Variants in UPK3A observed in about 807,000 individuals in gnomAD.
UPK3A encodes the protein uroplakin 3A.
A neutral mutation model predicts 27.6 loss-of-function variants in UPK3A; 32 were observed. The observed-to-expected ratio is 1.16, with a 90% CI of 0.87 to 1.55. The LOEUF (loss-of-function observed/expected upper bound fraction) is 1.55. Among genes scored for constraint, UPK3A ranks in the 40% most tolerant of loss-of-function variants. The probability of loss-of-function intolerance (pLI) is 0.00; values close to 1 mark genes in which losing one functional copy is unlikely to be tolerated. For missense variants in UPK3A, 370 were observed against 367.9 expected, an observed-to-expected ratio of 1.01 and a Z score of -0.05; for synonymous variants, 171 against 163.9, an observed-to-expected ratio of 1.04 and a Z score of -0.33.
intron 4 of UPK3A, among the ~76,000 whole-genome samples, chr22:45,291,889 C>CAGTGT (rs1569106077): frequency 3.0e-4 from 25 of 82,502 alleles, no homozygotes; most frequent in African/African-American, 1.1e-3. Flanking sequence ...TGTGGCAGGG[C>CAGTGT]GTGTGAGTTG....
At chr22:45,285,625 G>T (rs540184774) in intron 1 of UPK3A, among the ~76,000 whole-genome samples, 1 of 63,656 alleles carries the variant, frequency 1.6e-5, no homozygotes, top group Non-Finnish European at 5.3e-5. Context: ...ACTTGCATGT[G>T]GGGGGAGGGC....
chr22:45,289,129 T>C lies in UPK3A; in HGVS notation c.557T>C (p.Ile186Thr). 2.5e-6 allele frequency: 4 copies of C among 1,613,944 alleles called. No individual in the cohort carries two copies. Among genetic ancestry groups the C allele is most frequent in the Non-Finnish European group, 3.4e-6 (4 of 1,179,998 alleles). Reference protein sequence around the residue: ...VEDQTLWSDPIRTNQLTPYST... With the variant: ...VEDQTLWSDPTRTNQLTPYST... ...GACCAGACCCTGTGGTCAGACCCCA[T>C]CCGCACCAACCAGCGTAAGTGGTGG... The change falls in exon 4 of 6, where the codon ATC (isoleucine) becomes ACC (threonine). Residue 186 changes from isoleucine (I) to threonine (T), a missense_variant. Transcript: ENST00000216211.
At chr22:45,286,183 T>C (rs2084116965) in intron 2 of UPK3A, 87 bp downstream of exon 2, 4 of 1,544,964 alleles carry the variant, frequency 2.6e-6, no homozygotes, top group Non-Finnish European at 3.5e-6. Context: ...AGAGGAACCC[T>C]CCATGCCTGT....
At chr22:45,285,122 T>C (rs939891496) in intron 1 of UPK3A, 57 bp downstream of exon 1, 2 of 1,473,260 alleles carry the variant, frequency 1.4e-6, no homozygotes, top group African/African-American at 1.4e-5. Context: ...AGCTCTGCCC[T>C]GGGGCGCCCG....
At chr22:45,290,774 C>T (rs2084155132) in intron 4 of UPK3A, among the ~76,000 whole-genome samples, 1 of 152,150 alleles carries the variant, frequency 6.6e-6, no homozygotes, top group Non-Finnish European at 1.5e-5. Flanking sequence ...CTGTAGCTCG[C>T]ATTACTGCCT....
At chr22:45,289,775 A>G (rs895301578) in intron 4 of UPK3A, among the ~76,000 whole-genome samples, 1 of 149,842 alleles carries the variant, frequency 6.7e-6, no homozygotes, top group Non-Finnish European at 1.5e-5. Flanking sequence ...AAAGTCGTTG[A>G]ACCTGGAACT....
intron 4 of UPK3A, among the ~76,000 whole-genome samples, chr22:45,291,291 G>C (rs879492860): frequency 6.7e-6 from 1 of 149,118 alleles, no homozygotes; most frequent in Non-Finnish European, 1.5e-5. Flanking sequence ...TGTGGTGTGT[G>C]GTGGGGGTGT....
chr22:45,294,391 C>G (rs2084181575), intron 5 of UPK3A, among the ~76,000 whole-genome samples: 1 of 144,038 alleles, frequency 6.9e-6, no homozygotes, highest in Admixed American at 6.8e-5. Flanking sequence ...TTCCGCACCC[C>G]CATCCCTGCT....
At chr22:45,288,927 T>C in intron 3 of UPK3A, 134 bp from the exon 4 acceptor site, 2 of 817,206 alleles carry the variant, frequency 2.4e-6, no homozygotes, top group Non-Finnish European at 4.1e-6. Flanking sequence ...TCAGTAGCCG[T>C]CTACATTTCC....
rs759252449 is a variant in UPK3A at position 45,295,711 on chromosome 22, C to G, written c.856C>G (p.Gln286Glu). Residue 286 changes from glutamine (Q) to glutamate (E), a missense_variant, in exon 6 of 6, where the codon CAA becomes GAA. Coordinates refer to ENST00000216211, the MANE Select transcript of UPK3A (RefSeq NM_006953.4). ...GGCTGAGGTGTATTCCAGCAAGCTC[C>G]AAGACTGAGCCCAGCACCACCCCTG... is the stretch of plus-strand genomic sequence containing the variant. ...DRAEVYSSKL[Q>E]D 6 of 1,613,808 alleles carry G rather than the reference C, an allele frequency of 3.7e-6. No homozygotes were observed. Among genetic ancestry groups the G allele is most frequent in the African/African-American group, 1.3e-5 (1 of 74,896 alleles).
In UPK3A at chr22:45,293,171, C is replaced by T; in HGVS notation, c.572-10C>T. 1 of 1,613,438 alleles carries T rather than the reference C, an allele frequency of 6.2e-7. No individual in the cohort carries two copies. The highest frequency in any genetic ancestry group is 8.5e-7 in the Non-Finnish European group (1 of 1,180,016). On this transcript the variant is annotated splice_polypyrimidine_tract_variant and intron_variant, in intron 4 of 5. Coordinates refer to ENST00000216211, the MANE Select transcript of UPK3A (RefSeq NM_006953.4). Reference sequence around the variant, plus strand: ...TGTCTGGGAAGTAACCGGGCTGCATCCCACCACAGTCACCCCATACTCGAC... The same window carrying T: ...TGTCTGGGAAGTAACCGGGCTGCATTCCACCACAGTCACCCCATACTCGAC...
chr22:45,294,120 A>G (rs2084180027), intron 5 of UPK3A, among the ~76,000 whole-genome samples: 1 of 152,156 alleles, frequency 6.6e-6, no homozygotes, highest in Non-Finnish European at 1.5e-5. Flanking sequence ...AGGAAGGGTC[A>G]GTGTGAGCAA....
At position 45,284,964 on chromosome 22, in the gene UPK3A, G is replaced by C. The variant is rs57508963; in HGVS notation, c.-50G>C. On this transcript the variant is annotated 5_prime_UTR_variant, in exon 1 of 6. Transcript: ENST00000216211. ...TGGCAGGGACAGGTCTGGTGCCCGC[G>C]CCTGCTCGCTGGACCGCCCGCCCCG... The C allele has an allele frequency of 4.0e-6, 6 of 1,510,720 alleles. No individual in the cohort carries two copies. Among genetic ancestry groups the C allele is most frequent in the Non-Finnish European group, 4.4e-6 (5 of 1,130,194 alleles). The allele number at this position is 1,510,720 out of a possible 1,614,324, so 93.6% of individuals were successfully genotyped here. A position where few individuals can be genotyped will look rare whatever the true frequency, so the allele number is the denominator to read the frequency against.
intron 5 of UPK3A, among the ~76,000 whole-genome samples, chr22:45,293,698 T>A (rs2084177192): frequency 6.6e-6 from 1 of 152,188 alleles, no homozygotes; most frequent in African/African-American, 2.4e-5. Flanking sequence ...TTGTGAAGGT[T>A]AAGTGGAATA....
intron 3 of UPK3A, 46 bp from the exon 4 acceptor site, chr22:45,289,015 G>T: frequency 6.3e-7 from 1 of 1,590,228 alleles, no homozygotes. Context: ...CTGTGGGTGG[G>T]GCTCACAGGA....
Position 45,293,228 on chromosome 22 carries a change from G to A in UPK3A, c.619G>A (p.Gly207Ser). Residue 207 changes from glycine (G) to serine (S), a missense_variant, in exon 5 of 6, where the codon GGC becomes AGC. Coordinates refer to ENST00000216211, the MANE Select transcript of UPK3A (RefSeq NM_006953.4). ...CACGTGGCCAGGCCGGCGGAGCGGA[G>A]GCATGATCGTCATCACTTCCATCCT... ...IDTWPGRRSG[G>S]MIVITSILGS... 6.2e-7 allele frequency: 1 copy of A among 1,614,114 alleles called. No homozygotes were observed. Among genetic ancestry groups the A allele is most frequent in the Non-Finnish European group, 8.5e-7 (1 of 1,180,042 alleles).
chr22:45,287,879 G>A (rs935991201), intron 3 of UPK3A, among the ~76,000 whole-genome samples: 13 of 152,132 alleles, frequency 8.5e-5, no homozygotes, highest in African/African-American at 2.9e-4. Context: ...GGTCAAGCTG[G>A]TCTCGAACTC....
In UPK3A at chr22:45,295,868, A is replaced by C; in HGVS notation, c.*149A>C. The C allele has an allele frequency of 1.1e-6, 1 of 870,428 alleles. No homozygotes were observed. The highest frequency in any genetic ancestry group is 1.8e-6 in the Non-Finnish European group (1 of 555,114). The allele number at this position is 870,428 out of a possible 1,614,324, so 53.9% of individuals were successfully genotyped here. ...AAACCCTTAATAAAATCTTCTGATG[A>C]GTTCTAGTTCAGTAACTACTTACAG... On this transcript the variant is annotated 3_prime_UTR_variant, in exon 6 of 6. Coordinates refer to ENST00000216211, the MANE Select transcript of UPK3A (RefSeq NM_006953.4).
At chr22:45,289,375 A>C (rs2084143136) in intron 4 of UPK3A, among the ~76,000 whole-genome samples, 1 of 152,080 alleles carries the variant, frequency 6.6e-6, no homozygotes, top group African/African-American at 2.4e-5. Context: ...GGAGATCGAG[A>C]CCATCCTGGC....
Sources: allele counts gnomAD v4.1 joint callset (sites outside exome capture counted in the v4.1 genomes callset), GRCh38; gene constraint gnomAD v4.1.1; transcripts MANE v1.5; gene names NCBI Gene and HGNC (gene_info 2026-07-23, HGNC 2026-07-21).